Variants in EFEMP1 observed in about 807,000 individuals in gnomAD.
The protein encoded by EFEMP1 is EGF-like fibulin extracellular matrix protein 1.
In EFEMP1, 18 loss-of-function variants were observed where a neutral mutation model predicts 65.7. The ratio of observed to expected loss-of-function variants is 0.27; its 90% CI spans 0.19 to 0.41. EFEMP1 has a LOEUF of 0.41. Ranked by LOEUF, EFEMP1 falls within the 10% of genes least tolerant of loss-of-function variation. The probability of loss-of-function intolerance (pLI) is 1.00; values close to 1 mark genes in which losing one functional copy is unlikely to be tolerated. For synonymous variants in EFEMP1, 237 were observed against 219.7 expected (o/e 1.08, Z -0.70); for missense variants, 469 against 624.8 (o/e 0.75, Z 2.66).
chr2:55,880,651 A>G (rs1053184850), intron 6 of EFEMP1, among the ~76,000 whole-genome samples: 1 of 152,018 alleles, frequency 6.6e-6, no homozygotes, highest in African/African-American at 2.4e-5. Context: ...CCACATCCTC[A>G]CCCTCTGTTC....
chr2:55,888,448 C>T (rs1669510117), intron 5 of EFEMP1, among the ~76,000 whole-genome samples: 1 of 150,060 alleles, frequency 6.7e-6, no homozygotes, highest in African/African-American at 2.5e-5. Flanking sequence ...AGCGATTCTC[C>T]TGACTCAGCC....
chr2:55,885,469 A>G lies in EFEMP1; in HGVS notation c.518-3735T>C, dbSNP rs1443806858. On this transcript the variant is annotated intron_variant, in intron 5 of 11. Transcript: ENST00000355426. The surrounding 1 kb of genome is among the most constrained non-coding windows in gnomAD (Gnocchi z 4.3). ...AGGAGTCTCTCTGAACTATGTAGACAGAGCCTAATGTTAACATTACCAAAG... is the reference window on the plus strand; with the variant it reads ...AGGAGTCTCTCTGAACTATGTAGACGGAGCCTAATGTTAACATTACCAAAG... Among the ~76,000 whole-genome samples, 1 of 152,244 alleles carries G rather than the reference A, an allele frequency of 6.6e-6. No individual in the cohort carries two copies. Among genetic ancestry groups the G allele is most frequent in the Non-Finnish European group, 1.5e-5 (1 of 68,036 alleles).
chr2:55,893,500 AGTTAT>A (rs1669708833), intron 5 of EFEMP1, among the ~76,000 whole-genome samples: 1 of 152,164 alleles, frequency 6.6e-6, no homozygotes, highest in Admixed American at 6.5e-5. Flanking sequence ...ATCACGTTTT[AGTTAT>A]GTGTCCTGGG....
rs1670740401 is a variant in EFEMP1, at chr2:55,917,513, T to TTG, written c.517+151_517+152insCA. 1 of 1,041,530 alleles carries TTG rather than the reference T, an allele frequency of 9.6e-7. No homozygotes were observed. Among genetic ancestry groups the TTG allele is most frequent in the Non-Finnish European group, 1.5e-6 (1 of 678,028 alleles). The allele number at this position is 1,041,530 out of a possible 1,614,324, so 64.5% of individuals were successfully genotyped here. On this transcript the variant is annotated intron_variant, in intron 5 of 11. Transcript: ENST00000355426. This position sits in a 1 kb window ranked among gnomAD's most constrained non-coding sequence, Gnocchi z 6.3. ...TGATGACAACTACAGCAACTACCCT[T>TTG]TAGGAATATTGTGATGATTAAATAT... is the stretch of plus-strand genomic sequence containing the variant.
chr2:55,914,160 A>C (rs1670588573), intron 5 of EFEMP1, among the ~76,000 whole-genome samples: 1 of 152,206 alleles, frequency 6.6e-6, no homozygotes, highest in Admixed American at 6.5e-5. Context: ...TAATGGAAAC[A>C]ATTAATTTCG....
chr2:55,907,962 A>G (rs1234867003), intron 5 of EFEMP1, among the ~76,000 whole-genome samples: 1 of 152,170 alleles, frequency 6.6e-6, no homozygotes, highest in Admixed American at 6.6e-5. Context: ...TCCCTTCCCT[A>G]CGTCACTCTT....
In EFEMP1 at chr2:55,866,309, G is replaced by C. The variant is rs1248433013; in HGVS notation, c.*764C>G. The C allele has an allele frequency of 6.6e-6, 1 of 152,080 alleles. No individual in the cohort carries two copies. Among genetic ancestry groups the C allele is most frequent in the Non-Finnish European group, 1.5e-5 (1 of 68,020 alleles). 9.4% of individuals were successfully genotyped at this position (152,080 alleles called of 1,614,324 possible). ...ATTCAGGGATGTTATTATATTTTCC[G>C]AGTTTGCTTCTTCAGGTCAGTTCCA... On this transcript the variant is annotated 3_prime_UTR_variant, in exon 12 of 12. Transcript: ENST00000355426.
intron 5 of EFEMP1, among the ~76,000 whole-genome samples, chr2:55,906,166 G>A (rs906065031): frequency 6.7e-6 from 1 of 149,708 alleles, no homozygotes; most frequent in South Asian, 2.1e-4. Context: ...CCTGACCCAC[G>A]ACAATCACTG....
At chr2:55,891,251 A>G (rs1222630248) in intron 5 of EFEMP1, among the ~76,000 whole-genome samples, 4 of 152,098 alleles carry the variant, frequency 2.6e-5, no homozygotes, top group African/African-American at 7.2e-5. Context: ...GTTTCCTATC[A>G]CTGGAAATAC....
At chr2:55,905,794 GT>G (rs1670239869) in intron 5 of EFEMP1, among the ~76,000 whole-genome samples, 1 of 152,126 alleles carries the variant, frequency 6.6e-6, no homozygotes, top group Non-Finnish European at 1.5e-5. Flanking sequence ...TCCTAATACT[GT>G]TTGTAGCCAA....
intron 5 of EFEMP1, among the ~76,000 whole-genome samples, chr2:55,912,369 C>T (rs1207925802): frequency 6.6e-6 from 1 of 152,094 alleles, no homozygotes; most frequent in Admixed American, 6.5e-5. Context: ...ATGACAATGC[C>T]AGGTATCTAA....
chr2:55,869,564 A>T (rs1668720631), intron 11 of EFEMP1, among the ~76,000 whole-genome samples: 1 of 152,198 alleles, frequency 6.6e-6, no homozygotes, highest in Admixed American at 6.5e-5. Context: ...AATATCACAT[A>T]ACTCTGGAGC....
At chr2:55,914,888 C>T (rs1274421026) in intron 5 of EFEMP1, among the ~76,000 whole-genome samples, 3 of 152,126 alleles carry the variant, frequency 2.0e-5, no homozygotes. Context: ...AAACAGAGGT[C>T]CCCATACTTC....
At chr2:55,880,958 C>G (rs1179125359) in intron 6 of EFEMP1, among the ~76,000 whole-genome samples, 1 of 152,224 alleles carries the variant, frequency 6.6e-6, no homozygotes, top group Non-Finnish European at 1.5e-5. Flanking sequence ...CCAGCAGAGG[C>G]ACGTGCTGAA....
chr2:55,917,769 A>G lies in EFEMP1; in HGVS notation c.413T>C (p.Val138Ala). The G allele has an allele frequency of 6.2e-7, 1 of 1,614,200 alleles. No homozygotes were observed. The highest frequency in any genetic ancestry group is 8.5e-7 in the Non-Finnish European group (1 of 1,180,038). Residue 138 changes from valine to alanine, a missense_variant, in exon 5 of 12, where the codon GTC (valine) becomes GCC (alanine). Physicochemically the swap from Val to Ala is moderately conservative, Grantham distance 64 (BLOSUM62 0). This residue lies in a region of EFEMP1 where 399 missense variants were observed against 528.2 expected (regional missense o/e 0.76). Coordinates refer to ENST00000355426, the MANE Select transcript of EFEMP1 (RefSeq NM_001039348.3). The surrounding 1 kb of genome is among the most constrained non-coding windows in gnomAD (Gnocchi z 6.3). ...PEMQTGRNNF[V>A]IRRNPADPQR... ...AGGGTCAGCTGGGTTCCGCCGGATG[A>G]CAAAGTTATTTCGGCCAGTCTGCAT...
intron 5 of EFEMP1, among the ~76,000 whole-genome samples, chr2:55,906,506 G>A (rs1029164156): frequency 6.6e-6 from 1 of 152,200 alleles, no homozygotes; most frequent in African/African-American, 2.4e-5. Flanking sequence ...TTACAAGCTT[G>A]AGTCACCATG....
intron 5 of EFEMP1, among the ~76,000 whole-genome samples, chr2:55,900,487 A>G (rs1157169339): frequency 6.6e-6 from 1 of 152,200 alleles, no homozygotes; most frequent in African/African-American, 2.4e-5. Flanking sequence ...CTGGAAAATA[A>G]TCTGGGGGAG....
Position 55,877,709 on chromosome 2 carries a change from G to C in EFEMP1, c.760+37C>G. The C allele has an allele frequency of 1.2e-6, 2 of 1,611,908 alleles. No homozygotes were observed. Among genetic ancestry groups the C allele is most frequent in the Non-Finnish European group, 1.7e-6 (2 of 1,178,502 alleles). On this transcript the variant is annotated intron_variant, in intron 7 of 11. Coordinates refer to ENST00000355426, the MANE Select transcript of EFEMP1 (RefSeq NM_001039348.3). The surrounding 1 kb of genome is among the most constrained non-coding windows in gnomAD (Gnocchi z 4.5). ...GCAACATGGCATGGGGTTTCCTTTT[G>C]TGAAGACAGAAATCAGCAAGTTCTC...
At chr2:55,892,131 T>C (rs189229319) in intron 5 of EFEMP1, among the ~76,000 whole-genome samples, 1 of 152,210 alleles carries the variant, frequency 6.6e-6, no homozygotes, top group East Asian at 1.9e-4. Flanking sequence ...CCTGTGAGTG[T>C]TGCAATTCTA....
Sources: allele counts gnomAD v4.1 joint callset (sites outside exome capture counted in the v4.1 genomes callset), GRCh38; gene constraint gnomAD v4.1.1; regional missense constraint gnomAD v4.1.1; non-coding constraint Gnocchi (gnomAD v3.1); transcripts MANE v1.5; gene names NCBI Gene and HGNC (gene_info 2026-07-23, HGNC 2026-07-21).